The following TRIM49C variants were observed in gnomAD, a reference collection of about 807,000 sequenced individuals.
TRIM49C encodes tripartite motif-containing protein 49C.
In TRIM49C, 6 loss-of-function variants were observed where a neutral mutation model predicts 21.4. The ratio of observed to expected loss-of-function variants is 0.28; its 90% confidence interval spans 0.15 to 0.55. The LOEUF (loss-of-function observed/expected upper bound fraction) is 0.55, where lower values mean the gene tolerates loss of function less well. Among genes scored for constraint, TRIM49C ranks in the 20% least tolerant of loss-of-function variants. The pLI is 0.94. For missense variants in TRIM49C, 161 were observed against 442.4 expected (o/e 0.36, Z 5.71); for synonymous variants, 57 against 148.1 (o/e 0.38, Z 4.47).
In TRIM49C at chr11:90,041,348, A is replaced by G. The variant is rs1950769012; in HGVS notation, c.1157A>G (p.Asp386Gly). 1.9e-6 allele frequency: 3 copies of G among 1,589,892 alleles called. 1 individual carries two copies. The highest frequency in any genetic ancestry group is 1.4e-5 in the African/African-American group (1 of 72,556). Residue 386 changes from aspartate to glycine, a missense_variant, in exon 8 of 8, where the codon GAC becomes GGC. Around this residue, in one of 3 missense-constraint regions of TRIM49C, gnomAD observed 63 missense variants for 67.6 expected, o/e 0.93. Coordinates refer to ENST00000448984, the MANE Select transcript of TRIM49C (RefSeq NM_001195234.1). The part of the protein sequence containing the change: ...GLFLLGCIKN[D>G]IQCSLFTTSP... ...TTTCTTCTTGGGTGTATTAAGAATG[A>G]CATTCAATGCAGTCTCTTTACCACC...
rs1345786121 is a variant in TRIM49C at position 90,041,314 on chromosome 11, G to A, written c.1123G>A (p.Glu375Lys). 1 of 1,589,986 alleles carries A rather than the reference G, an allele frequency of 6.3e-7. No individual in the cohort carries two copies. Among genetic ancestry groups the A allele is most frequent in the Non-Finnish European group, 8.6e-7 (1 of 1,165,034 alleles). ...KNQNEKIDGKEGLFLLGCIKN... is the reference protein window; with the variant it reads ...KNQNEKIDGKKGLFLLGCIKN... ...TCAGAATGAGAAGATAGATGGAAAG[G>A]AGGGACTCTTTCTTCTTGGGTGTAT... is the stretch of plus-strand genomic sequence containing the variant. The change falls in exon 8 of 8, where the codon GAG becomes AAG. Residue 375 changes from glutamate to lysine, a missense_variant. Glu to Lys is a moderately conservative substitution (Grantham distance 56). Around this residue, in one of 3 missense-constraint regions of TRIM49C, gnomAD observed 63 missense variants for 67.6 expected, o/e 0.93. Transcript: ENST00000448984.
the TRIM49C span, chr11:90,073,090 G>C: frequency 2.9e-6 from 2 of 689,462 alleles, no homozygotes; most frequent in Non-Finnish European, 5.2e-6. Context: ...ACAACTCTTG[G>C]GACTGGGCTC....
the TRIM49C span, among the ~76,000 whole-genome samples, chr11:90,072,689 C>T: frequency 3.0e-5 from 4 of 132,412 alleles, 1 homozygote; most frequent in Non-Finnish European, 6.4e-5. Context: ...ATAGACATGA[C>T]CTTCCTCCCC....
At chr11:90,067,938 C>A in the TRIM49C span, among the ~76,000 whole-genome samples, 1 of 126,498 alleles carries the variant, frequency 7.9e-6, no homozygotes, top group African/African-American at 2.8e-5. Flanking sequence ...CCAGGGGTGT[C>A]AGAAGCAGAA....
At chr11:90,052,946 C>G in the TRIM49C span, 2 of 141,208 alleles carry the variant, frequency 1.4e-5, no homozygotes, top group Non-Finnish European at 3.1e-5. Flanking sequence ...CTGACGACAT[C>G]TCTCCTGGGG....
the TRIM49C span, among the ~76,000 whole-genome samples, chr11:90,048,888 T>G: frequency 1.6e-5 from 2 of 125,308 alleles, 1 homozygote; most frequent in East Asian, 5.1e-4. Context: ...TTTCCCCATC[T>G]TTGTGGTTTT....
intron 6 of TRIM49C, among the ~76,000 whole-genome samples, chr11:90,039,553 G>A (rs1950754545): frequency 7.6e-6 from 1 of 131,974 alleles, no homozygotes; most frequent in South Asian, 2.7e-4. Context: ...AGACAAAGAT[G>A]TCAGGGGAGT....
rs1287591247 is a variant in TRIM49C at position 90,031,134 on chromosome 11, T to G, written c.-301T>G. 2 of 128,200 alleles carry G rather than the reference T, an allele frequency of 1.6e-5. No individual in the cohort carries two copies. The highest frequency in any genetic ancestry group is 5.7e-5 in the African/African-American group (2 of 35,142). The allele number at this position is 128,200 out of a possible 1,614,324, so 7.9% of individuals were successfully genotyped here. Reference sequence around the variant, plus strand: ...ATCTTCCAGTTGCCCCCTATTGACTTTAAACCAAAGCTTTGATTCATGACC... The same window carrying G: ...ATCTTCCAGTTGCCCCCTATTGACTGTAAACCAAAGCTTTGATTCATGACC... On this transcript the variant is annotated 5_prime_UTR_variant, in exon 1 of 8. Transcript: ENST00000448984.
chr11:90,031,609 T>C (rs1437524159), intron 1 of TRIM49C, among the ~76,000 whole-genome samples: 1 of 151,490 alleles, frequency 6.6e-6, no homozygotes, highest in Non-Finnish European at 1.5e-5. Flanking sequence ...GGTGCACTCC[T>C]AGTCATTGTA....
rs543505479 is a variant in TRIM49C at position 90,038,509 on chromosome 11, C to T, written c.739-184C>T. On this transcript the variant is annotated intron_variant, in intron 5 of 7. Coordinates refer to ENST00000448984, the MANE Select transcript of TRIM49C (RefSeq NM_001195234.1). ...CTTCAAGACTCAGACTTTCCCAGGA[C>T]GTTAATTAATAACAATACAACTGAC... Among the ~76,000 whole-genome samples, 10 of 136,046 alleles carry T rather than the reference C, an allele frequency of 7.4e-5. 1 individual carries two copies. The highest frequency in any genetic ancestry group is 1.3e-4 in the Non-Finnish European group (8 of 63,102). The allele number at this position is 136,046 out of a possible 152,430, so 89.3% of individuals were successfully genotyped here.
intron 1 of TRIM49C, 48 bp downstream of exon 1, chr11:90,031,292 T>A (rs1359678246): frequency 1.1e-3 from 149 of 137,060 alleles, no homozygotes; most frequent in African/African-American, 3.7e-3. Flanking sequence ...TCCCTAACTA[T>A]ACATATATCT....
At chr11:90,071,194 C>G in the TRIM49C span, 5 of 493,222 alleles carry the variant, frequency 1.0e-5, no homozygotes, top group Non-Finnish European at 2.0e-5. Flanking sequence ...TCAGTGCAAG[C>G]TGGAGCACAA....
chr11:90,068,623 G>C, the TRIM49C span, among the ~76,000 whole-genome samples: 1 of 142,688 alleles, frequency 7.0e-6, no homozygotes, highest in Non-Finnish European at 1.5e-5. Flanking sequence ...GAACAAATGA[G>C]ACGGATTTTC....
chr11:90,072,205 T>C, the TRIM49C span, among the ~76,000 whole-genome samples: 1 of 142,224 alleles, frequency 7.0e-6, no homozygotes, highest in Non-Finnish European at 1.5e-5. Flanking sequence ...TCATAGCATT[T>C]ATAATTTTAA....
chr11:90,047,073 C>T, the TRIM49C span, among the ~76,000 whole-genome samples: 12 of 120,938 alleles, frequency 9.9e-5, 3 homozygotes, highest in South Asian at 6.2e-4. Context: ...TGTAGTTGAG[C>T]GGTTTTGAGT....
At chr11:90,071,542 G>A in the TRIM49C span, among the ~76,000 whole-genome samples, 1 of 143,274 alleles carries the variant, frequency 7.0e-6, no homozygotes, top group African/African-American at 2.5e-5. Context: ...GGAGTGAAGA[G>A]TTAGAAAGAT....
chr11:90,042,408 T>C (rs1053318948), downstream of TRIM49C, among the ~76,000 whole-genome samples: 2 of 133,178 alleles, frequency 1.5e-5, no homozygotes, highest in Admixed American at 8.2e-5. Flanking sequence ...AAGTAAAATA[T>C]AATACATGTA....
chr11:90,070,587 T>G, the TRIM49C span, among the ~76,000 whole-genome samples: 1 of 139,376 alleles, frequency 7.2e-6, no homozygotes. Flanking sequence ...ATGACACTCC[T>G]CTCCATGAGC....
At chr11:90,071,246 A>T in the TRIM49C span, 1 of 480,744 alleles carries the variant, frequency 2.1e-6, no homozygotes, top group African/African-American at 2.0e-5. Flanking sequence ...AACAAAGGGA[A>T]AACATAATTT....
Sources: allele counts gnomAD v4.1 joint callset (sites outside exome capture counted in the v4.1 genomes callset), GRCh38; gene constraint gnomAD v4.1.1; regional missense constraint gnomAD v4.1.1; transcripts MANE v1.5; gene names NCBI Gene and HGNC (gene_info 2026-07-23, HGNC 2026-07-21).